MCPH1: variants seen among roughly 807,000 people sequenced by gnomAD.
The protein encoded by MCPH1 is microcephalin 1.
In MCPH1, 104 loss-of-function variants were observed where a neutral mutation model predicts 84.5. The ratio of observed to expected loss-of-function variants is 1.23; its 90% CI spans 1.05 to 1.45. The LOEUF (loss-of-function observed/expected upper bound fraction) is 1.45, where lower values mean the gene tolerates loss of function less well. Among genes scored for constraint, MCPH1 ranks in the 40% most tolerant of loss-of-function variants. The pLI is 0.00. For missense variants in MCPH1, 1,498 were observed against 1,005.7 expected (o/e 1.49, Z -6.62); for synonymous variants, 514 against 366.8 (o/e 1.40, Z -4.58).
chr8:6,463,868 C>G (rs553286974), intron 9 of MCPH1, among the ~76,000 whole-genome samples: 1 of 152,206 alleles, frequency 6.6e-6, no homozygotes, highest in African/African-American at 2.4e-5. Flanking sequence ...AGGCCTTTGG[C>G]TGTTTTCCAT....
chr8:6,438,965 C>G lies in MCPH1; in HGVS notation c.449C>G (p.Pro150Arg). ...TGTTTATTTTCAGATGATGATGTAC[C>G]TATTCTCTTATTTGAATCTAATGGT... The part of the protein sequence containing the change: ...RQKTNLDDDV[P>R]ILLFESNGSL... The change falls in exon 6 of 14, where the codon CCT becomes CGT. Residue 150 changes from proline (P) to arginine (R), a missense_variant. Transcript: ENST00000344683. The G allele has an allele frequency of 1.2e-6, 2 of 1,612,092 alleles. No individual in the cohort carries two copies. The highest frequency in any genetic ancestry group is 2.2e-5 in the East Asian group (1 of 44,828).
intron 12 of MCPH1, among the ~76,000 whole-genome samples, chr8:6,523,474 T>C (rs1817740196): frequency 6.6e-6 from 1 of 152,218 alleles, no homozygotes; most frequent in Non-Finnish European, 1.5e-5. Context: ...TCCTGTCCAT[T>C]AAGCCAGAGG....
chr8:6,443,272 C>G (rs1218906757), intron 7 of MCPH1, among the ~76,000 whole-genome samples: 1 of 152,186 alleles, frequency 6.6e-6, no homozygotes, highest in Non-Finnish European at 1.5e-5. Context: ...AGTGACATGT[C>G]ACATTGCTTA....
At chr8:6,421,204 G>A (rs1305454227) in intron 3 of MCPH1, among the ~76,000 whole-genome samples, 1 of 152,104 alleles carries the variant, frequency 6.6e-6, no homozygotes, top group Non-Finnish European at 1.5e-5. Context: ...CCTCTCCCTG[G>A]CGTCTGCATT....
intron 8 of MCPH1, among the ~76,000 whole-genome samples, chr8:6,451,678 T>C (rs1805103458): frequency 6.6e-6 from 1 of 151,976 alleles, no homozygotes; most frequent in South Asian, 2.1e-4. Flanking sequence ...CTTGCATATA[T>C]ACCAAAGGTA....
At chr8:6,612,300 GC>G (rs5889179) in intron 12 of MCPH1, among the ~76,000 whole-genome samples, 18,073 of 151,946 alleles carry the variant, frequency 0.12, 1,426 homozygotes, top group East Asian at 0.32. Flanking sequence ...TTTAAGCCAA[GC>G]CCCCCTTCCC....
intron 12 of MCPH1, among the ~76,000 whole-genome samples, chr8:6,598,051 G>A (rs553036488): frequency 2.6e-5 from 4 of 152,288 alleles, no homozygotes; most frequent in Admixed American, 6.5e-5. Flanking sequence ...TCAGCTCAGC[G>A]GGCCTTCACG....
At chr8:6,508,667 A>G (rs1814289303) in intron 12 of MCPH1, 8 of 590,604 alleles carry the variant, frequency 1.4e-5, no homozygotes, top group South Asian at 1.3e-4. Flanking sequence ...GCTTGCTAAG[A>G]ATCAAATATC....
intron 8 of MCPH1, among the ~76,000 whole-genome samples, chr8:6,447,697 C>T: frequency 6.6e-6 from 1 of 152,016 alleles, no homozygotes; most frequent in East Asian, 1.9e-4. Flanking sequence ...TTACAGGCAC[C>T]CATCACCATG....
chr8:6,539,826 A>G (rs1821214938), intron 12 of MCPH1, among the ~76,000 whole-genome samples: 1 of 152,216 alleles, frequency 6.6e-6, no homozygotes, highest in African/African-American at 2.4e-5. Flanking sequence ...ACATCAGGCC[A>G]TCTGCCTGCC....
At chr8:6,420,271 G>T (rs1345829193) in intron 3 of MCPH1, among the ~76,000 whole-genome samples, 1 of 152,042 alleles carries the variant, frequency 6.6e-6, no homozygotes, top group Non-Finnish European at 1.5e-5. Flanking sequence ...GTTCTCTGTT[G>T]TGGCAGTTGT....
At chr8:6,417,930 A>T (rs746895837) in intron 3 of MCPH1, among the ~76,000 whole-genome samples, 16 of 152,220 alleles carry the variant, frequency 1.1e-4, no homozygotes, top group Non-Finnish European at 1.6e-4. Context: ...CGCAAAGAGC[A>T]TGAGGTTTTT....
chr8:6,576,519 CGTCCCT>C lies in MCPH1; in HGVS notation c.2215-44934_2215-44929del, dbSNP rs1827116457. 2.7e-5 allele frequency among the ~76,000 whole-genome samples: 4 copies of C among 150,582 alleles called. No homozygotes were observed. The South Asian group carries it at 8.5e-4, about 32-fold the overall frequency. On this transcript the variant is annotated intron_variant, in intron 12 of 13. Coordinates refer to ENST00000344683, the MANE Select transcript of MCPH1 (RefSeq NM_024596.5). ...CCTTTCCCTTCCCCTTCCCCTTCCC[CGTCCCT>C]TTAGATGTAGTCTCCCTCTGTCCCC... is the stretch of plus-strand genomic sequence containing the variant.
At chr8:6,621,718 T>C in intron 13 of MCPH1, 27 bp downstream of exon 13, 1 of 1,613,818 alleles carries the variant, frequency 6.2e-7, no homozygotes, top group South Asian at 1.1e-5. Context: ...ACAGACGCTG[T>C]GGTGTGGTCC....
chr8:6,435,953 G>C (rs1270148504), intron 4 of MCPH1, 95 bp from the exon 5 acceptor site: 81 of 1,440,516 alleles, frequency 5.6e-5, no homozygotes, highest in Non-Finnish European at 7.5e-5. Flanking sequence ...TATTACTGAT[G>C]TTATAAAAGG....
intron 12 of MCPH1, chr8:6,521,286 C>G: frequency 6.2e-7 from 1 of 1,612,944 alleles, no homozygotes; most frequent in Non-Finnish European, 8.5e-7. Context: ...ATTTTTTTTT[C>G]TAGTTCTTCA....
rs182907506 is a variant in MCPH1, at chr8:6,621,984, C to T, written c.2452+293C>T. On this transcript the variant is annotated intron_variant, in intron 13 of 13. Transcript: ENST00000344683. The stretch of plus-strand genomic sequence containing the variant: ...CTACCCAAAGCCACCCCGGGCCACC[C>T]CTGTGGGCACAGACTCTCCGGGCAC... 655 of 439,662 alleles carry T rather than the reference C, an allele frequency of 1.5e-3. 2 individuals are homozygous for T. Among genetic ancestry groups the T allele is most frequent in the Non-Finnish European group, 2.1e-3 (477 of 224,684 alleles). 27.2% of individuals were successfully genotyped at this position (439,662 alleles called of 1,614,324 possible).
At chr8:6,559,219 CCACACACGACAACACACA>C (rs1469111715) in intron 12 of MCPH1, among the ~76,000 whole-genome samples, 1 of 95,758 alleles carries the variant, frequency 1.0e-5, no homozygotes, top group African/African-American at 3.9e-5. Context: ...TGTTTTGTAG[CCACACACGACAACACACA>C]CACACACACA....
chr8:6,592,530 C>A (rs1563163981), intron 12 of MCPH1, among the ~76,000 whole-genome samples: 1 of 151,682 alleles, frequency 6.6e-6, no homozygotes. Flanking sequence ...CTCTCCAATT[C>A]CATTCTTCCT....
Sources: allele counts gnomAD v4.1 joint callset (sites outside exome capture counted in the v4.1 genomes callset), GRCh38; gene constraint gnomAD v4.1.1; transcripts MANE v1.5; gene names NCBI Gene and HGNC (gene_info 2026-07-23, HGNC 2026-07-21).